The following CADM2 variants were observed in gnomAD, a reference collection of about 807,000 sequenced individuals.
The protein encoded by CADM2 is cell adhesion molecule 2.
Under a neutral mutation model 49.8 loss-of-function variants are expected in CADM2, and 12 were observed. The ratio of observed to expected loss-of-function variants is 0.24; its 90% CI spans 0.15 to 0.39. CADM2 has a LOEUF of 0.39. Among genes scored for constraint, CADM2 ranks in the 10% least tolerant of loss-of-function variants. CADM2 has a pLI of 1.00. For missense variants in CADM2, 378 were observed against 492.3 expected (o/e 0.77, Z 2.20); for synonymous variants, 214 against 175.4 (o/e 1.22, Z -1.74).
At chr3:85,530,899 C>T (rs1001007440) in intron 1 of CADM2, among the ~76,000 whole-genome samples, 6 of 149,840 alleles carry the variant, frequency 4.0e-5, no homozygotes, top group African/African-American at 1.5e-4. Flanking sequence ...CACACACACA[C>T]ACACACACAC....
intron 1 of CADM2, among the ~76,000 whole-genome samples, chr3:85,289,864 T>G (rs776765726): frequency 2.0e-5 from 3 of 152,194 alleles, no homozygotes; most frequent in Non-Finnish European, 4.4e-5. Context: ...TCATCGCCTC[T>G]TAAACATCAG....
intron 1 of CADM2, among the ~76,000 whole-genome samples, chr3:84,991,730 T>G (rs757705098): frequency 4.3e-4 from 66 of 152,286 alleles, no homozygotes; most frequent in Middle Eastern, 3.4e-3. Context: ...TCATAATTGT[T>G]AAAACTTGGA....
intron 1 of CADM2, among the ~76,000 whole-genome samples, chr3:85,134,215 G>C (rs964737318): frequency 6.6e-6 from 1 of 152,184 alleles, no homozygotes; most frequent in African/African-American, 2.4e-5. Flanking sequence ...AGCGCCGCGC[G>C]CAGCCCCGGT....
intron 1 of CADM2, among the ~76,000 whole-genome samples, chr3:85,598,547 G>T (rs1049118391): frequency 6.6e-6 from 1 of 151,742 alleles, no homozygotes; most frequent in East Asian, 1.9e-4. Flanking sequence ...ATAATTTACT[G>T]TGAAAAAAGA....
chr3:85,726,981 A>G (rs1012613812), intron 2 of CADM2, among the ~76,000 whole-genome samples: 8 of 152,056 alleles, frequency 5.3e-5, no homozygotes, highest in African/African-American at 1.9e-4. Flanking sequence ...ATTATAAGCT[A>G]TCGATTTCTA....
chr3:85,768,498 C>CT (rs10707034), intron 2 of CADM2, among the ~76,000 whole-genome samples: 13 of 146,940 alleles, frequency 8.8e-5, no homozygotes, highest in South Asian at 8.4e-4. Flanking sequence ...ATTTAAAATA[C>CT]TTTTTTTTTT....
intron 1 of CADM2, among the ~76,000 whole-genome samples, chr3:85,030,765 A>G (rs1283494015): frequency 6.6e-6 from 1 of 152,136 alleles, no homozygotes; most frequent in African/African-American, 2.4e-5. Context: ...CGAGTCCTCC[A>G]TTACCCTGGT....
At chr3:85,146,602 C>T (rs1201923502) in intron 1 of CADM2, among the ~76,000 whole-genome samples, 1 of 152,162 alleles carries the variant, frequency 6.6e-6, no homozygotes, top group Non-Finnish European at 1.5e-5. Context: ...TCTGTTGTCA[C>T]ATGTTTGAAT....
intron 1 of CADM2, among the ~76,000 whole-genome samples, chr3:85,285,986 G>C (rs568991432): frequency 7.0e-4 from 106 of 152,150 alleles, no homozygotes; most frequent in Middle Eastern, 6.8e-3. Flanking sequence ...CTTAGACACT[G>C]GTAAAATGAA....
chr3:85,272,062 G>T (rs972567006), intron 1 of CADM2, among the ~76,000 whole-genome samples: 2 of 150,902 alleles, frequency 1.3e-5, no homozygotes, highest in Non-Finnish European at 3.0e-5. Flanking sequence ...AGAGAAAAAT[G>T]CTGGGCAGTT....
intron 2 of CADM2, among the ~76,000 whole-genome samples, chr3:85,768,455 AAATAAATAAATAAAT>A (rs1221268040): frequency 1.0e-5 from 1 of 96,240 alleles, no homozygotes; most frequent in Non-Finnish European, 2.1e-5. Context: ...CAAAATAAAT[AAATAAATAAATAAAT>A]AATAAATAAA....
chr3:85,810,746 A>G (rs1396074393), intron 3 of CADM2, among the ~76,000 whole-genome samples: 1 of 151,526 alleles, frequency 6.6e-6, no homozygotes, highest in Non-Finnish European at 1.5e-5. Flanking sequence ...CACCATGTTG[A>G]CCACGCTGGT....
At chr3:85,353,395 C>G (rs915677461) in intron 1 of CADM2, among the ~76,000 whole-genome samples, 12 of 152,022 alleles carry the variant, frequency 7.9e-5, no homozygotes, top group African/African-American at 2.9e-4. Context: ...GTTCTTGCCC[C>G]TTAAAATTTA....
chr3:85,838,471 A>T (rs750941503), intron 3 of CADM2, among the ~76,000 whole-genome samples: 9 of 151,776 alleles, frequency 5.9e-5, no homozygotes, highest in Non-Finnish European at 1.5e-5. Context: ...AAGTTTATAA[A>T]CTGCTTATTA....
chr3:85,530,213 C>T (rs982634842), intron 1 of CADM2, among the ~76,000 whole-genome samples: 4 of 151,944 alleles, frequency 2.6e-5, no homozygotes, highest in Admixed American at 6.6e-5. Context: ...AAATACCTGC[C>T]GCCACATAAG....
At chr3:85,693,373 G>T (rs1014954434) in intron 1 of CADM2, among the ~76,000 whole-genome samples, 1 of 150,062 alleles carries the variant, frequency 6.7e-6, no homozygotes, top group Non-Finnish European at 1.5e-5. Context: ...GAGGTCAGGA[G>T]ATCGAGACCA....
rs766466065 is a variant in CADM2, at chr3:85,894,334, C to T, written c.529+8007C>T. 5.3e-5 allele frequency among the ~76,000 whole-genome samples: 8 copies of T among 152,094 alleles called. No homozygotes were observed. The South Asian group carries it at 6.2e-4, about 12-fold the overall frequency. On this transcript the variant is annotated intron_variant, in intron 5 of 9. Transcript: ENST00000383699. ...GACACAGGAAGGGGAACATCCACAC[C>T]GGGAACTGTTGTGGGGTAGGGGAAG...
rs1575817422 is a variant in CADM2, at chr3:85,077,036, G to T, written c.61+117368G>T. 1.3e-5 allele frequency among the ~76,000 whole-genome samples: 2 copies of T among 152,266 alleles called. 1 individual carries two copies. Among genetic ancestry groups the T allele is most frequent in the East Asian group, 3.9e-4 (2 of 5,166 alleles). ...ATTTTAGAATACATTGTATATGTTT[G>T]ACTGAGAACGCCTTAATCAAAACAA... On this transcript the variant is annotated intron_variant, in intron 1 of 9. Transcript: ENST00000383699.
At chr3:85,946,524 T>C (rs1722721463) in intron 7 of CADM2, among the ~76,000 whole-genome samples, 1 of 152,000 alleles carries the variant, frequency 6.6e-6, no homozygotes. Flanking sequence ...CTTCAAACTA[T>C]ACTACAAAGC....
Sources: gnomAD v4.1 joint callset for allele counts (sites outside exome capture counted in the v4.1 genomes callset) on GRCh38, gnomAD v4.1.1 for gene constraint, MANE v1.5 for transcripts, NCBI Gene and HGNC (gene_info 2026-07-23, HGNC 2026-07-21) for gene names.